The following UBE4B variants were observed in gnomAD, a reference collection of about 807,000 sequenced individuals.
UBE4B encodes ubiquitin conjugation factor E4 B.
UBE4B carries 27 observed loss-of-function variants against 148.1 expected under a neutral mutation model. The ratio of observed to expected loss-of-function variants is 0.18; its 90% CI spans 0.13 to 0.25. The LOEUF (loss-of-function observed/expected upper bound fraction) is 0.25. UBE4B is among the 10% of genes least tolerant of loss of function. UBE4B has a pLI of 1.00. For missense variants in UBE4B, 1,170 were observed against 1,662.4 expected (o/e 0.70, Z 5.15); for synonymous variants, 596 against 619.3 (o/e 0.96, Z 0.56).
intron 2 of UBE4B, among the ~76,000 whole-genome samples, chr1:10,090,296 T>A (rs1477905044): frequency 6.6e-6 from 1 of 152,128 alleles, no homozygotes; most frequent in African/African-American, 2.4e-5. Flanking sequence ...ATTTTTGTAT[T>A]TTTCATAGAG....
chr1:10,148,382 A>G (rs960977604), intron 19 of UBE4B, among the ~76,000 whole-genome samples: 1 of 152,110 alleles, frequency 6.6e-6, no homozygotes, highest in Admixed American at 6.6e-5. Flanking sequence ...CTGTAATCCC[A>G]GTACTTTGGA....
At chr1:10,110,730 T>C (rs1645203829) in intron 7 of UBE4B, among the ~76,000 whole-genome samples, 2 of 152,124 alleles carry the variant, frequency 1.3e-5, no homozygotes, top group African/African-American at 4.8e-5. Context: ...ACAAGCCTTA[T>C]ATGAGTAGAG....
intron 21 of UBE4B, 80 bp downstream of exon 21, chr1:10,151,641 T>G: frequency 1.6e-6 from 2 of 1,230,484 alleles, no homozygotes; most frequent in Non-Finnish European, 2.3e-6. Flanking sequence ...GACGTTGCTC[T>G]AAGCCTGTTA....
intron 4 of UBE4B, 51 bp downstream of exon 4, chr1:10,101,246 C>CACGCCTGTA: frequency 6.4e-7 from 1 of 1,567,230 alleles, no homozygotes; most frequent in Non-Finnish European, 8.8e-7. Context: ...AAACACATTT[C>CACGCCTGTA]ATGTCTTGTA....
intron 17 of UBE4B, among the ~76,000 whole-genome samples, chr1:10,142,145 A>C (rs993412960): frequency 6.6e-6 from 1 of 152,074 alleles, no homozygotes; most frequent in African/African-American, 2.4e-5. Flanking sequence ...TTTTCTACTC[A>C]GAGCCTTGGG....
intron 2 of UBE4B, among the ~76,000 whole-genome samples, chr1:10,085,948 C>T (rs1402983451): frequency 6.6e-6 from 1 of 151,930 alleles, no homozygotes; most frequent in African/African-American, 2.4e-5. Flanking sequence ...CACCACCACG[C>T]CCAGCTAATT....
Position 10,161,796 on chromosome 1 carries a change from G to T in UBE4B, c.3198+510G>T, listed in dbSNP as rs759215980. ...TCCATGGAAAGCACGTGCCGTGCCA[G>T]TACCAGTGCTCTTTCCTGACGTGCG... On this transcript the variant is annotated intron_variant, in intron 23 of 27. Transcript: ENST00000343090. This position sits in a 1 kb window ranked among gnomAD's most constrained non-coding sequence, Gnocchi z 4.1. Among the ~76,000 whole-genome samples the T allele has an allele frequency of 2.3e-4, 35 of 152,296 alleles. No individual in the cohort carries two copies. The highest frequency in any genetic ancestry group is 4.6e-4 in the Non-Finnish European group (31 of 68,032).
At chr1:10,117,320 G>T in intron 7 of UBE4B, 139 bp from the exon 8 acceptor site, 1 of 1,037,554 alleles carries the variant, frequency 9.6e-7, no homozygotes, top group East Asian at 2.7e-5. Context: ...CAAGCAGTCA[G>T]GGTGGATCTT....
At chr1:10,082,304 G>A (rs1644695062) in intron 2 of UBE4B, among the ~76,000 whole-genome samples, 1 of 151,982 alleles carries the variant, frequency 6.6e-6, no homozygotes, top group African/African-American at 2.4e-5. Flanking sequence ...TTTAAGACTA[G>A]CCTGGACAAC....
rs773160592 is a variant in UBE4B, at chr1:10,072,065, A to G, written c.62A>G (p.Gln21Arg). The G allele has an allele frequency of 1.9e-6, 3 of 1,610,456 alleles. No homozygotes were observed. Among genetic ancestry groups the G allele is most frequent in the African/African-American group, 2.7e-5 (2 of 74,710 alleles). ...CGCCTTGCACGACTTGCTGGTGGAC[A>G]GACCTCTCAGCCAACCACCCCACTC... ...RRRLARLAGGQTSQPTTPLTS... is the reference protein window; with the variant it reads ...RRRLARLAGGRTSQPTTPLTS... Residue 21 changes from glutamine (Q) to arginine (R), a missense_variant, in exon 2 of 28, where the codon CAG becomes CGG. Coordinates refer to ENST00000343090, the MANE Select transcript of UBE4B (RefSeq NM_001105562.3).
intron 7 of UBE4B, among the ~76,000 whole-genome samples, chr1:10,107,608 G>A (rs1645139026): frequency 8.4e-6 from 1 of 118,942 alleles, no homozygotes; most frequent in African/African-American, 3.2e-5. Context: ...GCAGAGTTCT[G>A]CTCTTGTTGC....
At chr1:10,063,033 C>G (rs1329629159) in intron 1 of UBE4B, among the ~76,000 whole-genome samples, 2 of 151,124 alleles carry the variant, frequency 1.3e-5, no homozygotes, top group African/African-American at 4.9e-5. Context: ...TTTGGGAGGC[C>G]AAGGCAGGGG....
At chr1:10,143,920 C>T (rs1167315419) in intron 17 of UBE4B, among the ~76,000 whole-genome samples, 1 of 152,168 alleles carries the variant, frequency 6.6e-6, no homozygotes, top group Non-Finnish European at 1.5e-5. Context: ...AGTCACTTCA[C>T]AGTACTCACT....
Position 10,105,510 on chromosome 1 carries a change from C to T in UBE4B, c.581-6C>T, listed in dbSNP as rs759623210. ...TAACCTGTTCTTTGTTCTGCCTTTC[C>T]AACAGTATTCTCCGATTTTAAGGAC... is the stretch of plus-strand genomic sequence containing the variant. On this transcript the variant is annotated splice_polypyrimidine_tract_variant and splice_region_variant and intron_variant, in intron 5 of 27. Coordinates refer to ENST00000343090, the MANE Select transcript of UBE4B (RefSeq NM_001105562.3). 10 of 1,613,570 alleles carry T rather than the reference C, an allele frequency of 6.2e-6. No homozygotes were observed. The highest frequency in any genetic ancestry group is 1.1e-5 in the South Asian group (1 of 91,052).
At chr1:10,064,503 C>T (rs1055643375) in intron 1 of UBE4B, among the ~76,000 whole-genome samples, 1 of 152,126 alleles carries the variant, frequency 6.6e-6, no homozygotes, top group African/African-American at 2.4e-5. Flanking sequence ...CTTTCTGAAC[C>T]TAGGGATAGA....
intron 25 of UBE4B, among the ~76,000 whole-genome samples, chr1:10,176,119 G>A (rs916876101): frequency 1.3e-5 from 2 of 152,090 alleles, no homozygotes; most frequent in East Asian, 3.9e-4. Flanking sequence ...TTCTATGTCT[G>A]GCTTCCTTCA....
chr1:10,147,724 C>T (rs952132009), intron 19 of UBE4B, among the ~76,000 whole-genome samples: 9 of 152,178 alleles, frequency 5.9e-5, no homozygotes, highest in African/African-American at 1.9e-4. Context: ...ATTAGGCCCT[C>T]CTAAGCACTG....
rs1421985873 is a variant in UBE4B, at chr1:10,040,147, C to T, written c.24+6453C>T. 3.3e-5 allele frequency among the ~76,000 whole-genome samples: 5 copies of T among 150,672 alleles called. No homozygotes were observed. The East Asian group carries it at 7.8e-4, about 23-fold the overall frequency. On this transcript the variant is annotated intron_variant, in intron 1 of 27. Transcript: ENST00000343090. The stretch of plus-strand genomic sequence containing the variant: ...TTTTTTTTTTTTTCGTCTTTTGAGA[C>T]AGGGTCTCCCTCTGTCGCCCAGGCT...
intron 8 of UBE4B, among the ~76,000 whole-genome samples, chr1:10,119,279 G>A (rs1388895475): frequency 6.6e-6 from 1 of 152,070 alleles, no homozygotes; most frequent in Non-Finnish European, 1.5e-5. Context: ...GGCCTCTAAG[G>A]TTCTTAAGTA....
Sources: allele counts gnomAD v4.1 joint callset (sites outside exome capture counted in the v4.1 genomes callset), GRCh38; gene constraint gnomAD v4.1.1; non-coding constraint Gnocchi (gnomAD v3.1); transcripts MANE v1.5; gene names NCBI Gene and HGNC (gene_info 2026-07-23, HGNC 2026-07-21).